The following FBXL7 variants were observed in gnomAD, a reference collection of about 807,000 sequenced individuals.
FBXL7 encodes F-box/LRR-repeat protein 7.
In FBXL7, 12 loss-of-function variants were observed where a neutral mutation model predicts 38.3. That is an observed-to-expected ratio of 0.31 (90% CI 0.20 to 0.51). FBXL7 has a LOEUF of 0.51. FBXL7 is among the 20% of genes least tolerant of loss of function. The pLI is 0.98. For missense variants in FBXL7, 567 were observed against 676.4 expected (o/e 0.84, Z 1.79); for synonymous variants, 297 against 300.9 (o/e 0.99, Z 0.13).
intron 3 of FBXL7, among the ~76,000 whole-genome samples, chr5:15,930,608 C>T (rs1055488394): frequency 8.5e-5 from 13 of 152,158 alleles, no homozygotes; most frequent in Non-Finnish European, 8.8e-5. Context: ...ATTATTAAGC[C>T]TTGATATCTG....
chr5:15,588,788 G>A (rs1739375964), intron 1 of FBXL7, among the ~76,000 whole-genome samples: 1 of 152,158 alleles, frequency 6.6e-6, no homozygotes, highest in Non-Finnish European at 1.5e-5. Flanking sequence ...TTCTCTAGAT[G>A]ATCTGTTTCC....
intron 2 of FBXL7, among the ~76,000 whole-genome samples, chr5:15,733,982 C>T (rs1036661989): frequency 1.3e-5 from 2 of 152,110 alleles, no homozygotes; most frequent in African/African-American, 4.8e-5. Flanking sequence ...TGGCATGTGC[C>T]TGTAATCGCA....
At chr5:15,714,257 G>A (rs1743968595) in intron 2 of FBXL7, among the ~76,000 whole-genome samples, 1 of 152,116 alleles carries the variant, frequency 6.6e-6, no homozygotes, top group Non-Finnish European at 1.5e-5. Context: ...AAACCTGGTT[G>A]TTTAAAACTG....
In FBXL7 at chr5:15,583,773, A is replaced by C. The variant is rs549543712; in HGVS notation, c.38-32210A>C. On this transcript the variant is annotated intron_variant, in intron 1 of 3. Coordinates refer to ENST00000504595, the MANE Select transcript of FBXL7 (RefSeq NM_012304.5). ...GTGGATCTACCATTCTGGGCTCTGG[A>C]GGATGATGGTCCTCTTCTCACGGCT... is the stretch of plus-strand genomic sequence containing the variant. 1.9e-4 allele frequency among the ~76,000 whole-genome samples: 29 copies of C among 152,250 alleles called. 1 individual carries two copies. Among genetic ancestry groups the C allele is most frequent in the African/African-American group, 6.5e-4 (27 of 41,552 alleles).
At chr5:15,819,537 A>T (rs1453275818) in intron 2 of FBXL7, among the ~76,000 whole-genome samples, 1 of 152,210 alleles carries the variant, frequency 6.6e-6, no homozygotes, top group Non-Finnish European at 1.5e-5. Context: ...ACAAAATGAA[A>T]GAATACCTTT....
chr5:15,633,148 G>A (rs1032215309), intron 2 of FBXL7, among the ~76,000 whole-genome samples: 1 of 152,064 alleles, frequency 6.6e-6, no homozygotes, highest in African/African-American at 2.4e-5. Context: ...AGATGAGAAG[G>A]ACATATTTCA....
intron 1 of FBXL7, among the ~76,000 whole-genome samples, chr5:15,595,612 C>T (rs1041484376): frequency 6.6e-6 from 1 of 152,186 alleles, no homozygotes; most frequent in African/African-American, 2.4e-5. Flanking sequence ...ATGTGCCAAG[C>T]TTCCAACTAG....
chr5:15,891,863 G>A (rs1740916898), intron 2 of FBXL7, among the ~76,000 whole-genome samples: 1 of 152,240 alleles, frequency 6.6e-6, no homozygotes. Flanking sequence ...GGCAGAGGGA[G>A]AGAGTGGCGG....
intron 2 of FBXL7, among the ~76,000 whole-genome samples, chr5:15,808,232 C>T (rs375728384): frequency 6.6e-6 from 1 of 152,040 alleles, no homozygotes; most frequent in East Asian, 1.9e-4. Flanking sequence ...TTCAGATTTC[C>T]TTCATTGTCT....
At chr5:15,660,450 A>C (rs1335583381) in intron 2 of FBXL7, among the ~76,000 whole-genome samples, 4 of 152,094 alleles carry the variant, frequency 2.6e-5, no homozygotes, top group African/African-American at 9.7e-5. Context: ...TTCACCTCCT[A>C]GGTTCAAGTG....
intron 2 of FBXL7, among the ~76,000 whole-genome samples, chr5:15,762,801 A>G (rs1225279153): frequency 3.3e-5 from 5 of 152,174 alleles, no homozygotes; most frequent in Non-Finnish European, 4.4e-5. Flanking sequence ...TGGTTGAAAC[A>G]TATCTGAAAT....
chr5:15,749,462 T>TA (rs1233013873), intron 2 of FBXL7, among the ~76,000 whole-genome samples: 1 of 150,712 alleles, frequency 6.6e-6, no homozygotes, highest in Non-Finnish European at 1.5e-5. Context: ...CCATCTCTGT[T>TA]AAAAAATACA....
At chr5:15,923,975 C>G (rs1033282608) in intron 2 of FBXL7, among the ~76,000 whole-genome samples, 1 of 152,114 alleles carries the variant, frequency 6.6e-6, no homozygotes, top group African/African-American at 2.4e-5. Flanking sequence ...TGTGCCCTCA[C>G]AGCTGCTAAA....
intron 1 of FBXL7, among the ~76,000 whole-genome samples, chr5:15,506,806 C>T (rs901296282): frequency 1.3e-5 from 2 of 151,748 alleles, no homozygotes; most frequent in Admixed American, 6.6e-5. Context: ...CTCCTACAGG[C>T]CCCACCTCCA....
At chr5:15,819,918 A>G (rs1485513709) in intron 2 of FBXL7, among the ~76,000 whole-genome samples, 1 of 152,196 alleles carries the variant, frequency 6.6e-6, no homozygotes, top group Non-Finnish European at 1.5e-5. Flanking sequence ...GGTAGAATAC[A>G]GAAACTATGG....
chr5:15,749,528 G>A (rs1398244930), intron 2 of FBXL7, among the ~76,000 whole-genome samples: 2 of 152,138 alleles, frequency 1.3e-5, no homozygotes, highest in Non-Finnish European at 2.9e-5. Context: ...TCGGGAGGCT[G>A]AGGCAGGAGA....
At chr5:15,530,615 G>A (rs1737394209) in intron 1 of FBXL7, among the ~76,000 whole-genome samples, 1 of 152,126 alleles carries the variant, frequency 6.6e-6, no homozygotes, top group African/African-American at 2.4e-5. Context: ...AAGCTGTTAT[G>A]GTTATCGTTT....
intron 1 of FBXL7, among the ~76,000 whole-genome samples, chr5:15,553,213 C>G (rs1738138309): frequency 6.6e-6 from 1 of 152,172 alleles, no homozygotes; most frequent in African/African-American, 2.4e-5. Flanking sequence ...TCGTGGTTTC[C>G]CTTCTCTCTG....
intron 2 of FBXL7, among the ~76,000 whole-genome samples, chr5:15,643,834 G>A (rs1741443690): frequency 6.6e-6 from 1 of 152,176 alleles, no homozygotes; most frequent in Non-Finnish European, 1.5e-5. Context: ...CTGTAGAGGT[G>A]GCTCCTTGGG....
Sources: allele counts gnomAD v4.1 joint callset (sites outside exome capture counted in the v4.1 genomes callset), GRCh38; gene constraint gnomAD v4.1.1; transcripts MANE v1.5; gene names NCBI Gene and HGNC (gene_info 2026-07-23, HGNC 2026-07-21).